The following CDH12 variants were observed in gnomAD, a reference collection of about 807,000 sequenced individuals.
CDH12 encodes cadherin-12.
Under a neutral mutation model 74.1 loss-of-function variants are expected in CDH12, and 41 were observed. The ratio of observed to expected loss-of-function variants is 0.55; its 90% CI spans 0.43 to 0.72. The LOEUF (loss-of-function observed/expected upper bound fraction) is 0.72. Ranked by LOEUF, CDH12 falls within the 30% of genes least tolerant of loss-of-function variation. The pLI, the probability that CDH12 is intolerant of heterozygous loss-of-function variation, is 0.00. For synonymous variants in CDH12, 399 were observed against 355.0 expected (o/e 1.12, Z -1.39); for missense variants, 945 against 977.2 (o/e 0.97, Z 0.44).
chr5:21,891,572 T>TACACATACACAC (rs1554041530), intron 6 of CDH12, among the ~76,000 whole-genome samples: 1 of 144,954 alleles, frequency 6.9e-6, no homozygotes, highest in East Asian at 2.1e-4. Context: ...CACACACACA[T>TACACATACACAC]ACACACACAC....
chr5:22,550,074 G>C (rs1340292025), intron 1 of CDH12, among the ~76,000 whole-genome samples: 1 of 152,122 alleles, frequency 6.6e-6, no homozygotes, highest in Non-Finnish European at 1.5e-5. Context: ...CACACACTTA[G>C]CTATCACTGC....
chr5:21,847,845 T>C (rs529524380), intron 7 of CDH12, among the ~76,000 whole-genome samples: 1 of 152,270 alleles, frequency 6.6e-6, no homozygotes, highest in East Asian at 1.9e-4. Flanking sequence ...CTTTAAGCTA[T>C]TGAAAACACT....
intron 2 of CDH12, among the ~76,000 whole-genome samples, chr5:22,423,166 C>A (rs2126500674): frequency 6.8e-6 from 1 of 147,040 alleles, no homozygotes; most frequent in African/African-American, 2.5e-5. Context: ...TAATTTTACA[C>A]ACCATTGTTT....
chr5:22,350,183 A>T (rs1740300789), intron 3 of CDH12, among the ~76,000 whole-genome samples: 1 of 152,208 alleles, frequency 6.6e-6, no homozygotes, highest in Admixed American at 6.5e-5. Context: ...TTGATTAACT[A>T]GAATTCTGAT....
At chr5:22,547,075 G>C (rs1046959521) in intron 1 of CDH12, among the ~76,000 whole-genome samples, 1 of 152,150 alleles carries the variant, frequency 6.6e-6, no homozygotes, top group Non-Finnish European at 1.5e-5. Flanking sequence ...TTTGAGGGCT[G>C]TTTTATAGAC....
chr5:22,327,016 G>A lies in CDH12; in HGVS notation c.-333+78241C>T, dbSNP rs558254174. On this transcript the variant is annotated intron_variant, in intron 3 of 14. Transcript: ENST00000382254. ...TAGAGAAAAAATAATAAATTTGGGGGATTTTTTTTTATTCAGTGGCCATTT... is the reference window on the plus strand; with the variant it reads ...TAGAGAAAAAATAATAAATTTGGGGAATTTTTTTTTATTCAGTGGCCATTT... 2.5e-3 allele frequency among the ~76,000 whole-genome samples: 387 copies of A among 152,094 alleles called. 2 individuals are homozygous for A. The highest frequency in any genetic ancestry group is 9.1e-3 in the African/African-American group (379 of 41,502).
At chr5:22,688,100 CTT>C (rs1337373442) in intron 1 of CDH12, among the ~76,000 whole-genome samples, 1 of 152,012 alleles carries the variant, frequency 6.6e-6, no homozygotes, top group Non-Finnish European at 1.5e-5. Flanking sequence ...TGACAGGACT[CTT>C]TTCCCCTACA....
chr5:22,177,387 G>A (rs1749400467), intron 4 of CDH12, among the ~76,000 whole-genome samples: 1 of 152,054 alleles, frequency 6.6e-6, no homozygotes, highest in Non-Finnish European at 1.5e-5. Flanking sequence ...TCCCTCTGTA[G>A]AACTTAGTGC....
intron 1 of CDH12, among the ~76,000 whole-genome samples, chr5:22,833,376 G>C (rs1234334409): frequency 6.6e-6 from 1 of 152,120 alleles, no homozygotes; most frequent in Non-Finnish European, 1.5e-5. Flanking sequence ...ATGCCTTACA[G>C]CCACCTGTTT....
At chr5:22,469,864 T>G (rs1196009963) in intron 2 of CDH12, among the ~76,000 whole-genome samples, 1 of 152,210 alleles carries the variant, frequency 6.6e-6, no homozygotes, top group Non-Finnish European at 1.5e-5. Context: ...CTGTGCAATC[T>G]CATAGCAAAG....
rs73062563 is a variant in CDH12, at chr5:22,237,162, T to C, written c.-332-24519A>G. Among the ~76,000 whole-genome samples the C allele has an allele frequency of 9.1e-3, 1,380 of 152,216 alleles. 20 individuals are homozygous for C. Among genetic ancestry groups the C allele is most frequent in the African/African-American group, 0.032 (1,320 of 41,492 alleles). On this transcript the variant is annotated intron_variant, in intron 3 of 14. Coordinates refer to ENST00000382254, the MANE Select transcript of CDH12 (RefSeq NM_004061.5). ...AGCAGCACCGCAAACAGGTGAGTCA[T>C]GTGCACACTACAACATTCGAATTTT...
At chr5:22,471,578 A>G (rs926893006) in intron 2 of CDH12, among the ~76,000 whole-genome samples, 2 of 152,066 alleles carry the variant, frequency 1.3e-5, no homozygotes, top group African/African-American at 4.8e-5. Context: ...CCATGGGGGG[A>G]AAAAACTGTA....
chr5:21,896,756 G>T (rs1753143824), intron 6 of CDH12, among the ~76,000 whole-genome samples: 1 of 152,244 alleles, frequency 6.6e-6, no homozygotes, highest in South Asian at 2.1e-4. Flanking sequence ...TCTTAACACT[G>T]CCCGCTTCCC....
chr5:22,413,906 TTCTC>T (rs970260268), intron 2 of CDH12, among the ~76,000 whole-genome samples: 12 of 151,980 alleles, frequency 7.9e-5, no homozygotes, highest in Admixed American at 4.6e-4. Context: ...TGAATGCCCT[TTCTC>T]TCTCTCTTTA....
chr5:22,226,270 T>C (rs1434460655), intron 3 of CDH12, among the ~76,000 whole-genome samples: 2 of 152,016 alleles, frequency 1.3e-5, no homozygotes, highest in Admixed American at 1.3e-4. Flanking sequence ...AAAGGAATTT[T>C]TGCAGATGTA....
chr5:21,880,607 CCTTCCTTCCTTCTTTCTTTCTTTCTTTCT>C (rs1752244716), intron 6 of CDH12, among the ~76,000 whole-genome samples: 1 of 70,086 alleles, frequency 1.4e-5, no homozygotes, highest in African/African-American at 5.1e-5. Flanking sequence ...TTCCTTCCTT[CCTTCCTTCCTTCTTTCTTTCTTTCTTTCT>C]TTCTTTCTTT....
rs142140759 is a variant in CDH12 at position 22,243,709 on chromosome 5, C to T, written c.-332-31066G>A. On this transcript the variant is annotated intron_variant, in intron 3 of 14. Coordinates refer to ENST00000382254, the MANE Select transcript of CDH12 (RefSeq NM_004061.5). ...AAGTGCATGAGGATGAAGCATAGTA[C>T]GGTAATAAAATGCAAGTTTGATTAA... 1.1e-3 allele frequency among the ~76,000 whole-genome samples: 170 copies of T among 152,174 alleles called. 1 individual carries two copies. Among genetic ancestry groups the T allele is most frequent in the East Asian group, 4.3e-3 (22 of 5,168 alleles).
At chr5:22,412,478 C>G (rs1448097884) in intron 2 of CDH12, among the ~76,000 whole-genome samples, 1 of 151,904 alleles carries the variant, frequency 6.6e-6, no homozygotes, top group Non-Finnish European at 1.5e-5. Flanking sequence ...AACCCACCTC[C>G]ATAAGCTAAA....
intron 1 of CDH12, among the ~76,000 whole-genome samples, chr5:22,816,353 A>G (rs1749393538): frequency 6.6e-6 from 1 of 152,156 alleles, no homozygotes; most frequent in African/African-American, 2.4e-5. Flanking sequence ...TAAAGCTTAC[A>G]GGTCTATTTC....
Sources: allele counts gnomAD v4.1 joint callset (sites outside exome capture counted in the v4.1 genomes callset), GRCh38; gene constraint gnomAD v4.1.1; transcripts MANE v1.5; gene names NCBI Gene and HGNC (gene_info 2026-07-23, HGNC 2026-07-21).